SYT9: variants seen among roughly 807,000 people sequenced by gnomAD.
The protein encoded by SYT9 is synaptotagmin-9.
Under a neutral mutation model 48.4 loss-of-function variants are expected in SYT9, and 22 were observed. The observed-to-expected ratio is 0.45, with a 90% CI of 0.32 to 0.65. The LOEUF (loss-of-function observed/expected upper bound fraction) is 0.65, where lower values mean the gene tolerates loss of function less well. Ranked by LOEUF, SYT9 falls within the 30% of genes least tolerant of loss-of-function variation. The pLI is 0.03. For synonymous variants in SYT9, 265 were observed against 245.0 expected, an observed-to-expected ratio of 1.08 and a Z score of -0.76; for missense variants, 577 against 622.0, an observed-to-expected ratio of 0.93 and a Z score of 0.77.
At chr11:7,249,027 C>A (rs1025105872), upstream of SYT9, among the ~76,000 whole-genome samples, 3 of 152,052 alleles carry the variant, frequency 2.0e-5, no homozygotes, top group African/African-American at 7.2e-5. Flanking sequence ...GAAATAAACC[C>A]AAATACTTAC....
intron 3 of SYT9, among the ~76,000 whole-genome samples, chr11:7,401,934 A>G (rs1457129253): frequency 2.0e-5 from 3 of 151,722 alleles, no homozygotes; most frequent in African/African-American, 7.3e-5. Context: ...AACTTAAATC[A>G]TTATTTTGAA....
chr11:7,389,400 AAG>A (rs1230779469), intron 3 of SYT9, among the ~76,000 whole-genome samples: 1 of 152,168 alleles, frequency 6.6e-6, no homozygotes, highest in East Asian at 1.9e-4. Flanking sequence ...AGTAGTATTA[AAG>A]AATAATTCAC....
At position 7,465,745 on chromosome 11, in the gene SYT9, G is replaced by A. The variant is rs544057543; in HGVS notation, c.1468-1047G>A. 40 of 167,328 alleles carry A rather than the reference G, an allele frequency of 2.4e-4. No individual in the cohort carries two copies. In the Middle Eastern group the frequency reaches 7.8e-3, roughly 33 times the overall value. 10.4% of individuals were successfully genotyped at this position (167,328 alleles called of 1,614,324 possible). A position where few individuals can be genotyped will look rare whatever the true frequency, so the allele number is the denominator to read the frequency against. ...AGTGGGAAGAAAAAGAGGTTTAACT[G>A]GACTTACAGTTCCACATGGCTGGGG... On this transcript the variant is annotated intron_variant, in intron 6 of 6. Coordinates refer to ENST00000318881, the MANE Select transcript of SYT9 (RefSeq NM_175733.4).
chr11:7,367,207 G>A lies in SYT9; in HGVS notation c.1045-48835G>A, dbSNP rs1343991080. Among the ~76,000 whole-genome samples the A allele has an allele frequency of 6.2e-5, 9 of 145,036 alleles. No homozygotes were observed. The South Asian group carries it at 2.0e-3, about 33-fold the overall frequency. On this transcript the variant is annotated intron_variant, in intron 3 of 6. Transcript: ENST00000318881. ...CGCCATTCTCCTGCCTCAGCCTCCC[G>A]AGTAGCTGGAACTACAGGCGCCCGC...
At chr11:7,242,271 T>C (rs1847748298) in intron 1 of SYT9, among the ~76,000 whole-genome samples, 1 of 152,170 alleles carries the variant, frequency 6.6e-6, no homozygotes, top group Non-Finnish European at 1.5e-5. Context: ...GCTGCCCTTA[T>C]TGGCTATTTG....
At chr11:7,318,731 T>G (rs529916149) in intron 3 of SYT9, among the ~76,000 whole-genome samples, 216 of 152,302 alleles carry the variant, frequency 1.4e-3, no homozygotes, top group African/African-American at 5.0e-3. Context: ...CCAGTGAGGT[T>G]TTTTTTACTC....
At position 7,466,775 on chromosome 11, in the gene SYT9, G is replaced by GT. The variant is rs1590049628; in HGVS notation, c.1468-11dup. On this transcript the variant is annotated splice_polypyrimidine_tract_variant and intron_variant, in intron 6 of 6. Transcript: ENST00000318881. The stretch of plus-strand genomic sequence containing the variant: ...TGAATGAAAGCCAAATTATTTTTTT[G>GT]TTTTTTCTTCCTGCAGAAACGATGA... 1.3e-6 allele frequency: 2 copies of GT among 1,570,820 alleles called. No homozygotes were observed. The highest frequency in any genetic ancestry group is 1.1e-5 in the South Asian group (1 of 87,788).
intron 2 of SYT9, among the ~76,000 whole-genome samples, chr11:7,304,728 C>T (rs1425933116): frequency 6.6e-6 from 1 of 152,164 alleles, no homozygotes; most frequent in African/African-American, 2.4e-5. Context: ...AGAAGAAATC[C>T]TCAGATTTTA....
At chr11:7,448,465 G>T (rs185547682) in intron 6 of SYT9, among the ~76,000 whole-genome samples, 3 of 152,342 alleles carry the variant, frequency 2.0e-5, no homozygotes, top group South Asian at 4.1e-4. Context: ...AAGGCGGAAC[G>T]GGGTAGCAGC....
intron 6 of SYT9, among the ~76,000 whole-genome samples, chr11:7,424,531 C>G (rs1314672946): frequency 6.6e-6 from 1 of 152,174 alleles, no homozygotes; most frequent in African/African-American, 2.4e-5. Context: ...GGAAATAGTT[C>G]CAAGTTTTCA....
At chr11:7,395,748 G>A (rs1846739374) in intron 3 of SYT9, among the ~76,000 whole-genome samples, 1 of 151,406 alleles carries the variant, frequency 6.6e-6, no homozygotes, top group East Asian at 1.9e-4. Flanking sequence ...ATGTAAGATG[G>A]GTCTCTTGAA....
chr11:7,453,445 T>A (rs552780735), intron 6 of SYT9, among the ~76,000 whole-genome samples: 21 of 152,312 alleles, frequency 1.4e-4, no homozygotes, highest in Middle Eastern at 6.8e-3. Flanking sequence ...CCCCGCCATA[T>A]GCCACATGCT....
chr11:7,446,659 C>G (rs1015990841), intron 6 of SYT9, among the ~76,000 whole-genome samples: 3 of 152,348 alleles, frequency 2.0e-5, no homozygotes, highest in Middle Eastern at 6.8e-3. Flanking sequence ...GGCCATCCCC[C>G]CCAGCCTCTC....
intron 3 of SYT9, among the ~76,000 whole-genome samples, chr11:7,369,792 CAA>C (rs1491586775): frequency 8.8e-6 from 1 of 113,642 alleles, no homozygotes. Context: ...CACACACACA[CAA>C]ACACACACAC....
At chr11:7,384,733 A>G (rs1850625887) in intron 3 of SYT9, among the ~76,000 whole-genome samples, 1 of 152,150 alleles carries the variant, frequency 6.6e-6, no homozygotes, top group South Asian at 2.1e-4. Flanking sequence ...AATGAATTCC[A>G]TTCCCACTCA....
chr11:7,446,339 G>A (rs1413025988), intron 6 of SYT9, among the ~76,000 whole-genome samples: 1 of 152,238 alleles, frequency 6.6e-6, no homozygotes, highest in Non-Finnish European at 1.5e-5. Flanking sequence ...ACTTACAAGA[G>A]TGCCTAGTAC....
At chr11:7,285,695 G>C (rs985042770) in intron 1 of SYT9, among the ~76,000 whole-genome samples, 2 of 152,174 alleles carry the variant, frequency 1.3e-5, no homozygotes, top group African/African-American at 4.8e-5. Context: ...TTCTGCCTTT[G>C]AGCCTGTAAA....
intron 1 of SYT9, among the ~76,000 whole-genome samples, chr11:7,260,900 T>C (rs1848066070): frequency 6.6e-6 from 1 of 152,208 alleles, no homozygotes; most frequent in Admixed American, 6.5e-5. Context: ...CTTGCTTCCT[T>C]GCCTGGTTAT....
At position 7,270,844 on chromosome 11, in the gene SYT9, C is replaced by G. The variant is rs1003210064; in HGVS notation, c.145+18513C>G. On this transcript the variant is annotated intron_variant, in intron 1 of 6. Transcript: ENST00000318881. ...TGCACAAGACACAGACACACACACA[C>G]ACACACACACACACACACACACACA... Among the ~76,000 whole-genome samples the G allele has an allele frequency of 5.2e-3, 756 of 145,920 alleles. 15 individuals carry two copies. In the East Asian group the frequency reaches 0.074, roughly 14 times the overall value.
Sources: allele counts gnomAD v4.1 joint callset (sites outside exome capture counted in the v4.1 genomes callset), GRCh38; gene constraint gnomAD v4.1.1; transcripts MANE v1.5; gene names NCBI Gene and HGNC (gene_info 2026-07-23, HGNC 2026-07-21).